Variants in MEMO1 observed in about 807,000 individuals in gnomAD.
MEMO1 encodes protein MEMO1.
MEMO1 carries 6 observed loss-of-function variants against 45.2 expected under a neutral mutation model. That is an observed-to-expected ratio of 0.13 (90% CI 0.07 to 0.26). The LOEUF is 0.26. Among genes scored for constraint, MEMO1 ranks in the 10% least tolerant of loss-of-function variants. The probability of loss-of-function intolerance (pLI) is 1.00; values close to 1 mark genes in which losing one functional copy is unlikely to be tolerated. For synonymous variants in MEMO1, 78 were observed against 124.3 expected, an observed-to-expected ratio of 0.63 and a Z score of 2.48; for missense variants, 184 against 370.5, an observed-to-expected ratio of 0.50 and a Z score of 4.13.
At chr2:31,912,196 C>T (rs1293475875) in intron 6 of MEMO1, among the ~76,000 whole-genome samples, 1 of 151,856 alleles carries the variant, frequency 6.6e-6, no homozygotes, top group Non-Finnish European at 1.5e-5. Context: ...AATTAGCTGG[C>T]GTGGTGGTGG....
chr2:31,947,874 T>C (rs540588595), intron 2 of MEMO1, among the ~76,000 whole-genome samples: 8 of 152,214 alleles, frequency 5.3e-5, no homozygotes, highest in Non-Finnish European at 1.0e-4. Context: ...AGAATCATTC[T>C]AAAATAAGCT....
chr2:31,912,297 T>C (rs1374575272), intron 6 of MEMO1, among the ~76,000 whole-genome samples: 3 of 151,862 alleles, frequency 2.0e-5, no homozygotes, highest in Admixed American at 6.6e-5. Context: ...GGTTGTGCCA[T>C]GCCACTGCAC....
intron 6 of MEMO1, among the ~76,000 whole-genome samples, chr2:31,910,116 G>C (rs535274016): frequency 6.6e-6 from 1 of 151,758 alleles, no homozygotes; most frequent in Non-Finnish European, 1.5e-5. Flanking sequence ...TGCTGATAGC[G>C]AAAGAAAAAA....
chr2:31,978,391 AAAAAT>A (rs949823381), intron 2 of MEMO1, among the ~76,000 whole-genome samples: 3 of 152,202 alleles, frequency 2.0e-5, no homozygotes, highest in Non-Finnish European at 2.9e-5. Flanking sequence ...CTGTCTCAAA[AAAAAT>A]AAAATAAAAG....
intron 2 of MEMO1, among the ~76,000 whole-genome samples, chr2:31,983,856 A>G (rs1227409195): frequency 6.6e-6 from 1 of 152,258 alleles, no homozygotes; most frequent in Non-Finnish European, 1.5e-5. Context: ...TGAAGAAAGC[A>G]AGAGAGTGCT....
intron 8 of MEMO1, among the ~76,000 whole-genome samples, chr2:31,880,831 C>A (rs891157717): frequency 1.1e-4 from 17 of 152,004 alleles, no homozygotes; most frequent in African/African-American, 4.1e-4. Flanking sequence ...TCAGCTTAGA[C>A]AACATGGCGA....
At chr2:31,925,691 G>A (rs550563295) in intron 4 of MEMO1, among the ~76,000 whole-genome samples, 2 of 151,996 alleles carry the variant, frequency 1.3e-5, no homozygotes, top group East Asian at 3.9e-4. Context: ...TTTTTCATTT[G>A]CACTTATGGT....
chr2:31,998,671 G>A (rs1202241161), intron 2 of MEMO1, among the ~76,000 whole-genome samples: 1 of 151,878 alleles, frequency 6.6e-6, no homozygotes, highest in Admixed American at 6.6e-5. Flanking sequence ...ATGGTGGTGG[G>A]CGCCTGTAAT....
intron 2 of MEMO1, among the ~76,000 whole-genome samples, chr2:31,984,675 G>A (rs1572893732): frequency 6.6e-6 from 1 of 152,166 alleles, no homozygotes; most frequent in Non-Finnish European, 1.5e-5. Flanking sequence ...GCGTGGTGGC[G>A]GGCACCTGTA....
intron 2 of MEMO1, among the ~76,000 whole-genome samples, chr2:32,008,762 T>C (rs1436371287): frequency 6.6e-6 from 1 of 152,230 alleles, no homozygotes; most frequent in Non-Finnish European, 1.5e-5. Flanking sequence ...TATAGCTACC[T>C]GTTAGCTATA....
At chr2:32,005,634 T>C (rs1023406972) in intron 2 of MEMO1, among the ~76,000 whole-genome samples, 5 of 152,142 alleles carry the variant, frequency 3.3e-5, no homozygotes, top group Non-Finnish European at 5.9e-5. Context: ...TATACCATGA[T>C]CAGAGACTTG....
At chr2:31,952,103 T>C (rs1206889979) in intron 2 of MEMO1, among the ~76,000 whole-genome samples, 1 of 152,126 alleles carries the variant, frequency 6.6e-6, no homozygotes, top group Non-Finnish European at 1.5e-5. Flanking sequence ...TCCAGAGCAG[T>C]ACTGTATCAA....
intron 3 of MEMO1, among the ~76,000 whole-genome samples, chr2:31,938,961 AT>A (rs1023224487): frequency 6.6e-6 from 1 of 151,424 alleles, no homozygotes; most frequent in Non-Finnish European, 1.5e-5. Flanking sequence ...TAATTTTTGT[AT>A]TTTTTGTAGA....
At chr2:31,902,061 C>A (rs1484626394) in intron 6 of MEMO1, among the ~76,000 whole-genome samples, 1 of 151,990 alleles carries the variant, frequency 6.6e-6, no homozygotes, top group Non-Finnish European at 1.5e-5. Flanking sequence ...ATACTTTGAG[C>A]CCAGGAGTTC....
rs184801648 is a variant in MEMO1 at position 31,887,726 on chromosome 2, A to G, written c.581-4264T>C. ...AAATCTGCAAAAAGTCAAAAACTAA[A>G]TATGTAAAATCTGCATGTACAAATA... On this transcript the variant is annotated intron_variant, in intron 7 of 9. Coordinates refer to ENST00000404530, the MANE Select transcript of MEMO1 (RefSeq NM_001301833.4). 9.8e-3 allele frequency among the ~76,000 whole-genome samples: 1,494 copies of G among 152,284 alleles called. 27 individuals carry two copies. The highest frequency in any genetic ancestry group is 0.048 in the South Asian group (233 of 4,824).
chr2:31,981,775 C>T (rs1670665764), intron 2 of MEMO1, among the ~76,000 whole-genome samples: 1 of 152,224 alleles, frequency 6.6e-6, no homozygotes, highest in African/African-American at 2.4e-5. Context: ...GGGAAAGCAA[C>T]AGACTGCTAC....
In MEMO1 at chr2:31,869,703, T is replaced by A. The variant is rs541784042; in HGVS notation, c.762+145A>T. On this transcript the variant is annotated intron_variant, in intron 9 of 9. Transcript: ENST00000404530. ...ACTTTATTCAAGTAACCAAAAGCAA[T>A]GGAACTCCAAATTATATTAAAGATA... The A allele has an allele frequency of 5.3e-6, 4 of 755,658 alleles. No individual in the cohort carries two copies. The South Asian group carries it at 1.1e-4, about 21-fold the overall frequency. The allele number at this position is 755,658 out of a possible 1,614,324, so 46.8% of individuals were successfully genotyped here. A position where few individuals can be genotyped will look rare whatever the true frequency, so the allele number is the denominator to read the frequency against.
chr2:31,949,606 G>A (rs370920759), intron 2 of MEMO1, among the ~76,000 whole-genome samples: 17 of 141,802 alleles, frequency 1.2e-4, no homozygotes, highest in African/African-American at 3.9e-4. Context: ...AAGAGTATTG[G>A]AGGGTTGGAT....
intron 4 of MEMO1, chr2:31,923,451 C>CA (rs974373535): frequency 6.6e-4 from 341 of 517,510 alleles, no homozygotes; most frequent in South Asian, 9.9e-4. Flanking sequence ...AGAACCATTT[C>CA]AAAAAAAAAG....
Sources: gnomAD v4.1 joint callset for allele counts (sites outside exome capture counted in the v4.1 genomes callset) on GRCh38, gnomAD v4.1.1 for gene constraint, MANE v1.5 for transcripts, NCBI Gene and HGNC (gene_info 2026-07-23, HGNC 2026-07-21) for gene names.